FARP2: variants seen among roughly 807,000 people sequenced by gnomAD.
FARP2 encodes FERM, ARH/RhoGEF and pleckstrin domain protein 2.
Under a neutral mutation model 130.5 loss-of-function variants are expected in FARP2, and 111 were observed. The observed-to-expected ratio is 0.85, with a 90% CI of 0.73 to 1.00. The LOEUF is 1.00. Ranked by LOEUF, FARP2 falls within the 50% of genes least tolerant of loss-of-function variation. The pLI, the probability that FARP2 is intolerant of heterozygous loss-of-function variation, is 0.00. For missense variants in FARP2, 1,385 were observed against 1,346.3 expected (o/e 1.03, Z -0.45); for synonymous variants, 504 against 516.9 (o/e 0.98, Z 0.34).
intron 13 of FARP2, among the ~76,000 whole-genome samples, chr2:241,449,724 C>T (rs960382443): frequency 3.9e-5 from 6 of 152,064 alleles, no homozygotes; most frequent in South Asian, 2.1e-4. Flanking sequence ...CCAGACCGGG[C>T]GCAGTGGCTC....
At chr2:241,393,750 G>A (rs1245341735) in intron 2 of FARP2, among the ~76,000 whole-genome samples, 1 of 152,148 alleles carries the variant, frequency 6.6e-6, no homozygotes, top group South Asian at 2.1e-4. Context: ...TGTTAGCCAG[G>A]CCTTTGTCGC....
intron 2 of FARP2, among the ~76,000 whole-genome samples, chr2:241,381,120 T>C (rs1168467827): frequency 6.6e-6 from 1 of 152,134 alleles, no homozygotes; most frequent in East Asian, 1.9e-4. Flanking sequence ...TCTGCCAGTC[T>C]CTTTGTTCTC....
chr2:241,494,111 G>C lies in FARP2; in HGVS notation c.3151G>C (p.Gly1051Arg). 1 of 1,479,426 alleles carries C rather than the reference G, an allele frequency of 6.8e-7. No individual in the cohort carries two copies. Among genetic ancestry groups the C allele is most frequent in the Non-Finnish European group, 8.9e-7 (1 of 1,123,724 alleles). The allele number at this position is 1,479,426 out of a possible 1,614,324, so 91.6% of individuals were successfully genotyped here. A position where few individuals can be genotyped will look rare whatever the true frequency, so the allele number is the denominator to read the frequency against. The change falls in exon 27 of 27, where the codon GGG becomes CGG. Residue 1051 changes from glycine to arginine, a missense_variant. Transcript: ENST00000264042. The surrounding 1 kb of genome is among the most constrained non-coding windows in gnomAD (Gnocchi z 4.9). Reference sequence around the variant, plus strand: ...CTCAGGGCTGGAGGGGATGGTCAGGGGGAAGGAGGAATGACGCTCAACCTG... The same window carrying C: ...CTCAGGGCTGGAGGGGATGGTCAGGCGGAAGGAGGAATGACGCTCAACCTG... ...PSSGLEGMVR[G>R]KEE
At chr2:241,465,694 G>T in intron 17 of FARP2, 1 of 1,550,876 alleles carries the variant, frequency 6.4e-7, no homozygotes, top group Non-Finnish European at 8.7e-7. Flanking sequence ...AGTTCACCAC[G>T]TGACCGCCCA....
intron 14 of FARP2, among the ~76,000 whole-genome samples, chr2:241,457,200 C>CT (rs1183930182): frequency 2.0e-5 from 3 of 152,240 alleles, no homozygotes; most frequent in Non-Finnish European, 4.4e-5. Flanking sequence ...AACCCACAGG[C>CT]TCCATGTGTC....
chr2:241,397,873 A>C (rs1298023871), intron 2 of FARP2, among the ~76,000 whole-genome samples: 1 of 131,518 alleles, frequency 7.6e-6, no homozygotes, highest in Non-Finnish European at 1.5e-5. Context: ...TCTGTCGCCC[A>C]GGCTGGAGTG....
At chr2:241,363,571 G>A (rs2061238696) in intron 1 of FARP2, among the ~76,000 whole-genome samples, 1 of 152,248 alleles carries the variant, frequency 6.6e-6, no homozygotes, top group African/African-American at 2.4e-5. Flanking sequence ...AGCTATGCAC[G>A]CGTGATGTGA....
chr2:241,381,108 G>A (rs1559716009), intron 2 of FARP2, among the ~76,000 whole-genome samples: 1 of 152,114 alleles, frequency 6.6e-6, no homozygotes, highest in Non-Finnish European at 1.5e-5. Context: ...TGCCGCTGGT[G>A]TTCTGCCAGT....
intron 12 of FARP2, among the ~76,000 whole-genome samples, chr2:241,438,371 A>G (rs117766705): frequency 0.033 from 5,071 of 152,216 alleles, 507 homozygotes; most frequent in Admixed American, 0.19. Flanking sequence ...CCTGGACAAC[A>G]TAGTGAGACC....
At chr2:241,408,256 C>T (rs1335211215) in intron 5 of FARP2, among the ~76,000 whole-genome samples, 2 of 152,106 alleles carry the variant, frequency 1.3e-5, no homozygotes, top group Admixed American at 1.3e-4. Flanking sequence ...CCTGTAGTCC[C>T]AGCTACTCAG....
intron 9 of FARP2, among the ~76,000 whole-genome samples, chr2:241,433,581 A>G: frequency 6.6e-6 from 1 of 152,244 alleles, no homozygotes; most frequent in East Asian, 1.9e-4. Flanking sequence ...AGGTAGAAAA[A>G]GTGTTTACAA....
Position 241,464,111 on chromosome 2 carries a change from G to A in FARP2, c.1893+131G>A, listed in dbSNP as rs1574877951. On this transcript the variant is annotated intron_variant, in intron 17 of 26. Transcript: ENST00000264042. ...CCCTCAGAACAGGATCCCCCTCAGA[G>A]TAGGGTCTCCTTAGAACAGGGCCCC... 7.4e-5 allele frequency: 52 copies of A among 700,106 alleles called. No individual in the cohort carries two copies. The South Asian group carries it at 8.1e-4, about 11-fold the overall frequency. The allele number at this position is 700,106 out of a possible 1,614,324, so 43.4% of individuals were successfully genotyped here. A position where few individuals can be genotyped will look rare whatever the true frequency, so the allele number is the denominator to read the frequency against.
rs7601736 is a variant in FARP2 at position 241,415,088 on chromosome 2, C to T, written c.623+1667C>T. Among the ~76,000 whole-genome samples the T allele has an allele frequency of 5.7e-3, 862 of 152,312 alleles. 4 individuals carry two copies. The highest frequency in any genetic ancestry group is 0.024 in the Middle Eastern group (7 of 294). On this transcript the variant is annotated intron_variant, in intron 7 of 26. Transcript: ENST00000264042. Reference sequence around the variant, plus strand: ...CCATTGTACATACGGTCAGACCATGCGTGCAGAGCTCCATCTCGGACATGA... The same window carrying T: ...CCATTGTACATACGGTCAGACCATGTGTGCAGAGCTCCATCTCGGACATGA...
At chr2:241,465,933 G>A (rs1313970965) in intron 17 of FARP2, 8 of 1,420,358 alleles carry the variant, frequency 5.6e-6, no homozygotes, top group African/African-American at 2.9e-5. Flanking sequence ...CTGCCTCGAC[G>A]GAAGCTGAGT....
chr2:241,368,458 G>A (rs148969707), intron 1 of FARP2, among the ~76,000 whole-genome samples: 65 of 152,202 alleles, frequency 4.3e-4, no homozygotes, highest in African/African-American at 1.4e-3. Flanking sequence ...TAGCCTGTGT[G>A]TTCTTGCCTC....
intron 19 of FARP2, among the ~76,000 whole-genome samples, chr2:241,481,309 A>G (rs1391507103): frequency 1.3e-5 from 2 of 152,192 alleles, no homozygotes; most frequent in African/African-American, 4.8e-5. Flanking sequence ...CCATTGGGCC[A>G]GTTACTTTCT....
In FARP2 at chr2:241,492,951, T is replaced by A. The variant is rs1282903073; in HGVS notation, c.2810T>A (p.Leu937Gln). Residue 937 changes from leucine (L) to glutamine (Q), a missense_variant, in exon 25 of 27, where the codon CTA (leucine) becomes CAA (glutamine). Coordinates refer to ENST00000264042, the MANE Select transcript of FARP2 (RefSeq NM_014808.4). The part of the protein sequence containing the change: ...AVENQLSGYL[L>Q]RKFKNSHGWQ... ...CAGAACCAGCTTTCAGGATATCTGCTAAGAAAGTTCAAAAACAGTCATGGC... is the reference window on the plus strand; with the variant it reads ...CAGAACCAGCTTTCAGGATATCTGCAAAGAAAGTTCAAAAACAGTCATGGC... 4 of 1,610,754 alleles carry A rather than the reference T, an allele frequency of 2.5e-6. No homozygotes were observed. The Admixed American group carries it at 6.7e-5, about 27-fold the overall frequency.
intron 19 of FARP2, chr2:241,478,438 C>A: frequency 3.9e-6 from 1 of 255,396 alleles, no homozygotes. Context: ...CCAAATGGCT[C>A]TGGCTCAACA....
At chr2:241,487,904 C>T (rs750802801) in intron 21 of FARP2, among the ~76,000 whole-genome samples, 3 of 151,542 alleles carry the variant, frequency 2.0e-5, no homozygotes, top group East Asian at 3.9e-4. Context: ...CCCGCCACCA[C>T]GCCTGGCTAA....
Sources: gnomAD v4.1 joint callset for allele counts (sites outside exome capture counted in the v4.1 genomes callset) on GRCh38, gnomAD v4.1.1 for gene constraint, Gnocchi (gnomAD v3.1) non-coding constraint, MANE v1.5 for transcripts, NCBI Gene and HGNC (gene_info 2026-07-23, HGNC 2026-07-21) for gene names.